NCKAP5: variants seen among roughly 807,000 people sequenced by gnomAD.
NCKAP5 encodes the protein NCK associated protein 5.
In NCKAP5, 92 loss-of-function variants were observed where a neutral mutation model predicts 167.0. The ratio of observed to expected loss-of-function variants is 0.55; its 90% CI spans 0.47 to 0.66. NCKAP5 has a LOEUF of 0.66. NCKAP5 is among the 30% of genes least tolerant of loss of function. The pLI, the probability that NCKAP5 is intolerant of heterozygous loss-of-function variation, is 0.00. For missense variants in NCKAP5, 2,378 were observed against 2,315.0 expected (o/e 1.03, Z -0.56); for synonymous variants, 891 against 877.4 (o/e 1.02, Z -0.27).
rs932625402 is a variant in NCKAP5 at position 133,411,865 on chromosome 2, A to T, written c.69+105593T>A. On this transcript the variant is annotated intron_variant, in intron 3 of 19. Transcript: ENST00000409261. Reference sequence around the variant, plus strand: ...CTTTATTTTTCTTCTCCTTCCCATGATCCCTCCCCATGATGTACACACACT... The same window carrying T: ...CTTTATTTTTCTTCTCCTTCCCATGTTCCCTCCCCATGATGTACACACACT... Among the ~76,000 whole-genome samples the T allele has an allele frequency of 5.9e-5, 9 of 152,228 alleles. 1 individual carries two copies. In the South Asian group the frequency reaches 1.9e-3, roughly 32 times the overall value.
intron 4 of NCKAP5, chr2:133,266,226 G>C (rs532359058): frequency 6.6e-6 from 1 of 152,530 alleles, no homozygotes; most frequent in South Asian, 2.1e-4. Flanking sequence ...CCTGGTGCAG[G>C]CTTTCAGGGA....
At chr2:133,633,262 C>T in the NCKAP5 span, among the ~76,000 whole-genome samples, 1 of 152,190 alleles carries the variant, frequency 6.6e-6, no homozygotes, top group African/African-American at 2.4e-5. Flanking sequence ...AACTGCTTCC[C>T]GAACAAATGG....
chr2:133,565,176 A>G (rs915750021), intron 1 of NCKAP5, among the ~76,000 whole-genome samples: 2 of 152,190 alleles, frequency 1.3e-5, no homozygotes, highest in African/African-American at 4.8e-5. Flanking sequence ...AGCATATTTC[A>G]GTAATAGAGA....
chr2:132,876,628 AC>A (rs1691302313), intron 9 of NCKAP5, among the ~76,000 whole-genome samples: 1 of 152,346 alleles, frequency 6.6e-6, no homozygotes, highest in Admixed American at 6.5e-5. Flanking sequence ...TTATAAAACA[AC>A]CTGCATGTGT....
At chr2:132,956,519 T>C (rs1464899786) in intron 8 of NCKAP5, among the ~76,000 whole-genome samples, 1 of 152,228 alleles carries the variant, frequency 6.6e-6, no homozygotes, top group Non-Finnish European at 1.5e-5. Flanking sequence ...ATTCTTGCAT[T>C]CATACTTCTC....
At chr2:132,878,663 T>C (rs1029761309) in intron 9 of NCKAP5, among the ~76,000 whole-genome samples, 185 bp downstream of exon 9, 23 of 133,596 alleles carry the variant, frequency 1.7e-4, no homozygotes, top group South Asian at 5.1e-4. Context: ...CACGCACGCA[T>C]ACACACACAC....
chr2:133,097,240 C>A (rs745563288), intron 6 of NCKAP5, among the ~76,000 whole-genome samples: 3 of 152,122 alleles, frequency 2.0e-5, no homozygotes, highest in Non-Finnish European at 2.9e-5. Flanking sequence ...GGCAGTGTCA[C>A]CCCATAAGCC....
chr2:133,469,684 AT>A (rs1692893065), intron 3 of NCKAP5, among the ~76,000 whole-genome samples: 1 of 151,902 alleles, frequency 6.6e-6, no homozygotes. Context: ...ACATAGTCCC[AT>A]ATTTCTTGGA....
intron 7 of NCKAP5, among the ~76,000 whole-genome samples, chr2:132,977,168 A>G (rs1280210759): frequency 6.6e-6 from 1 of 152,186 alleles, no homozygotes; most frequent in East Asian, 1.9e-4. Context: ...ATCACCACAC[A>G]CTGCACAACA....
intron 7 of NCKAP5, among the ~76,000 whole-genome samples, chr2:132,981,345 G>T (rs1285352691): frequency 6.6e-6 from 1 of 152,124 alleles, no homozygotes; most frequent in African/African-American, 2.4e-5. Flanking sequence ...TGAGACAGCA[G>T]GCCAGGCCCT....
chr2:133,476,163 T>C (rs1477679388), intron 3 of NCKAP5, among the ~76,000 whole-genome samples: 1 of 152,224 alleles, frequency 6.6e-6, no homozygotes, highest in Non-Finnish European at 1.5e-5. Flanking sequence ...AACAGAGGTT[T>C]TGTTGAGCCC....
At chr2:133,435,043 C>T (rs576864088) in intron 3 of NCKAP5, among the ~76,000 whole-genome samples, 8 of 152,302 alleles carry the variant, frequency 5.3e-5, no homozygotes, top group African/African-American at 1.9e-4. Flanking sequence ...TTGGCAAAGC[C>T]CTGGCCTGCC....
At chr2:132,692,395 C>T (rs947755205) in intron 19 of NCKAP5, among the ~76,000 whole-genome samples, 16 of 152,048 alleles carry the variant, frequency 1.1e-4, no homozygotes, top group Admixed American at 9.2e-4. Context: ...TCAGGTGATC[C>T]TCCCACCTCG....
At chr2:133,310,817 G>A (rs1265604344) in intron 3 of NCKAP5, among the ~76,000 whole-genome samples, 1 of 152,204 alleles carries the variant, frequency 6.6e-6, no homozygotes, top group Non-Finnish European at 1.5e-5. Flanking sequence ...GAGAATCTGA[G>A]ATTAGGCTAT....
chr2:132,748,976 G>T (rs1037268166), intron 16 of NCKAP5, among the ~76,000 whole-genome samples: 6 of 151,812 alleles, frequency 4.0e-5, no homozygotes, highest in African/African-American at 1.5e-4. Context: ...TAGAGATGGG[G>T]TTTCAGGGTC....
the NCKAP5 span, among the ~76,000 whole-genome samples, chr2:133,609,596 A>G: frequency 6.6e-6 from 1 of 152,062 alleles, no homozygotes; most frequent in Non-Finnish European, 1.5e-5. Context: ...TAAGTGGAGC[A>G]AAGTTGAGCT....
intron 11 of NCKAP5, among the ~76,000 whole-genome samples, chr2:132,807,989 T>G (rs538040277): frequency 6.6e-6 from 1 of 152,108 alleles, no homozygotes; most frequent in East Asian, 1.9e-4. Flanking sequence ...TTGTTGAATG[T>G]TTTTTCTGCA....
chr2:133,334,409 TATGTTCATC>T (rs1683077636), intron 3 of NCKAP5, among the ~76,000 whole-genome samples: 1 of 152,184 alleles, frequency 6.6e-6, no homozygotes. Flanking sequence ...CGGGCACTTT[TATGTTCATC>T]ATCTTATTTA....
At chr2:133,052,745 G>A (rs1232235656) in intron 6 of NCKAP5, among the ~76,000 whole-genome samples, 2 of 150,284 alleles carry the variant, frequency 1.3e-5, no homozygotes, top group Non-Finnish European at 3.0e-5. Flanking sequence ...AAAGTTCGAT[G>A]TAAAAAACAA....
Sources: gnomAD v4.1 joint callset for allele counts (sites outside exome capture counted in the v4.1 genomes callset) on GRCh38, gnomAD v4.1.1 for gene constraint, MANE v1.5 for transcripts, NCBI Gene and HGNC (gene_info 2026-07-23, HGNC 2026-07-21) for gene names.